Variants in CEP89 observed in about 807,000 individuals in gnomAD.
CEP89 encodes the protein centrosomal protein of 89 kDa.
CEP89 carries 95 observed loss-of-function variants against 97.6 expected under a neutral mutation model. The observed-to-expected ratio is 0.97, with a 90% CI of 0.82 to 1.15. The LOEUF is 1.15. Ranked by LOEUF, CEP89 falls within the 50% of genes most tolerant of loss-of-function variation. CEP89 has a pLI of 0.00. For missense variants in CEP89, 869 were observed against 947.7 expected (o/e 0.92, Z 1.09); for synonymous variants, 354 against 349.1 (o/e 1.01, Z -0.16).
chr19:32,876,298 C>T lies in CEP89; in HGVS notation c.*2864G>A, dbSNP rs1969179333. 1 of 152,244 alleles carries T rather than the reference C, an allele frequency of 6.6e-6. No individual in the cohort carries two copies. Among genetic ancestry groups the T allele is most frequent in the Admixed American group, 6.6e-5 (1 of 15,260 alleles). The allele number at this position is 152,244 out of a possible 1,614,324, so 9.4% of individuals were successfully genotyped here. On this transcript the variant is annotated 3_prime_UTR_variant, in exon 19 of 19. Coordinates refer to ENST00000305768, the MANE Select transcript of CEP89 (RefSeq NM_032816.5). ...GGCTGCTTTTAAATAATGGCAAAGC[C>T]AGCAAGGCTCACTCGCGTGCCTGGG...
At position 32,937,642 on chromosome 19, in the gene CEP89, G is replaced by C. The variant is rs1420932299; in HGVS notation, c.656C>G (p.Pro219Arg). 6.2e-7 allele frequency: 1 copy of C among 1,605,898 alleles called. No homozygotes were observed. The highest frequency in any genetic ancestry group is 1.7e-5 in the Admixed American group (1 of 59,716). ...DEKPPLCEKPPPSPDITGRAR... is the reference protein window; with the variant it reads ...DEKPPLCEKPRPSPDITGRAR... ...CAAAAGGCAAATACCTGGGGAGGGTGGAGGTTTCTCACATAATGGAGGTTT... is the reference window on the plus strand; with the variant it reads ...CAAAAGGCAAATACCTGGGGAGGGTCGAGGTTTCTCACATAATGGAGGTTT... The change falls in exon 7 of 19, where the codon CCA becomes CGA. Residue 219 changes from proline to arginine, a missense_variant. By Grantham distance (103) the Pro-to-Arg change is moderately radical (BLOSUM62 -2). Transcript: ENST00000305768.
intron 8 of CEP89, among the ~76,000 whole-genome samples, chr19:32,931,878 G>A (rs1970482003): frequency 2.0e-5 from 3 of 152,178 alleles, no homozygotes; most frequent in Admixed American, 1.3e-4. Context: ...ATAAGAATAT[G>A]TGCTTTGAAA....
chr19:32,880,008 G>C (rs1969248143), intron 18 of CEP89, among the ~76,000 whole-genome samples: 1 of 152,364 alleles, frequency 6.6e-6, no homozygotes, highest in East Asian at 1.9e-4. Context: ...GCCCTGAGGG[G>C]CCGAGGCATG....
intron 16 of CEP89, among the ~76,000 whole-genome samples, chr19:32,892,314 T>C (rs1036960782): frequency 8.0e-5 from 12 of 150,200 alleles, no homozygotes; most frequent in Admixed American, 1.3e-4. Context: ...TCCTTTTTTT[T>C]TCTTTTTGAG....
chr19:32,924,479 C>T (rs1970315593), intron 11 of CEP89, among the ~76,000 whole-genome samples: 1 of 152,212 alleles, frequency 6.6e-6, no homozygotes, highest in Non-Finnish European at 1.5e-5. Context: ...GAGCCTCCTC[C>T]ATCAGGGCTT....
chr19:32,879,727 G>T (rs1024209841), intron 18 of CEP89, among the ~76,000 whole-genome samples: 1 of 152,234 alleles, frequency 6.6e-6, no homozygotes, highest in African/African-American at 2.4e-5. Flanking sequence ...TGGGCGTGTC[G>T]AATAAGGAAC....
At chr19:32,950,750 T>C (rs774067991) in intron 4 of CEP89, among the ~76,000 whole-genome samples, 53 of 152,156 alleles carry the variant, frequency 3.5e-4, no homozygotes, top group Non-Finnish European at 6.9e-4. Context: ...AGCAGCACTA[T>C]TCCTAAGAGT....
chr19:32,947,795 C>T (rs1212771195), intron 5 of CEP89, among the ~76,000 whole-genome samples: 1 of 152,158 alleles, frequency 6.6e-6, no homozygotes, highest in Non-Finnish European at 1.5e-5. Context: ...AGGAGCGAGC[C>T]ACCACACCCA....
chr19:32,883,097 C>T (rs890101490), intron 17 of CEP89, among the ~76,000 whole-genome samples: 2 of 151,782 alleles, frequency 1.3e-5, no homozygotes, highest in African/African-American at 4.8e-5. Context: ...CTCCTGACCT[C>T]GCGATCCGCC....
At chr19:32,880,611 C>G (rs1293504336) in intron 18 of CEP89, among the ~76,000 whole-genome samples, 2 of 147,072 alleles carry the variant, frequency 1.4e-5, no homozygotes, top group Non-Finnish European at 3.0e-5. Flanking sequence ...TGTACTTTAG[C>G]CCAGGCAACA....
chr19:32,887,479 G>A (rs1240071894), intron 17 of CEP89, among the ~76,000 whole-genome samples: 1 of 152,042 alleles, frequency 6.6e-6, no homozygotes, highest in Non-Finnish European at 1.5e-5. Context: ...TGGGCCTCCT[G>A]AGTCACTGAG....
chr19:32,962,323 A>G (rs1971186360), intron 2 of CEP89, among the ~76,000 whole-genome samples: 1 of 152,168 alleles, frequency 6.6e-6, no homozygotes, highest in Non-Finnish European at 1.5e-5. Context: ...TTCTGCCATG[A>G]TTGTTGGTTT....
intron 2 of CEP89, among the ~76,000 whole-genome samples, chr19:32,962,581 T>C (rs984601492): frequency 2.6e-5 from 4 of 152,306 alleles, no homozygotes; most frequent in Admixed American, 2.0e-4. Flanking sequence ...CAATATGAGA[T>C]ACTGAAAGCA....
intron 3 of CEP89, among the ~76,000 whole-genome samples, chr19:32,954,917 G>A (rs975769782): frequency 1.3e-5 from 2 of 149,994 alleles, no homozygotes; most frequent in African/African-American, 2.4e-5. Flanking sequence ...TGCACACCTC[G>A]GCCTCCCAAA....
intron 7 of CEP89, chr19:32,937,406 T>G: frequency 2.0e-6 from 1 of 498,134 alleles, no homozygotes; most frequent in Non-Finnish European, 3.6e-6. Flanking sequence ...ATCCCACAGG[T>G]CCACGTCCCC....
chr19:32,945,578 G>A (rs1970780656), intron 5 of CEP89, among the ~76,000 whole-genome samples: 1 of 152,238 alleles, frequency 6.6e-6, no homozygotes, highest in Admixed American at 6.5e-5. Context: ...TTCCTCTGTA[G>A]AGGGTGCTGG....
At chr19:32,942,052 G>C (rs1568572073) in intron 5 of CEP89, among the ~76,000 whole-genome samples, 2 of 152,122 alleles carry the variant, frequency 1.3e-5, no homozygotes, top group Non-Finnish European at 2.9e-5. Context: ...AAATAAAATT[G>C]GGGGAGCAGG....
At chr19:32,892,836 C>A (rs576370671) in intron 16 of CEP89, among the ~76,000 whole-genome samples, 1 of 152,056 alleles carries the variant, frequency 6.6e-6, no homozygotes, top group South Asian at 2.1e-4. Flanking sequence ...GAATCCTACA[C>A]CTGGAATTGA....
chr19:32,928,985 T>C (rs1970416779), intron 9 of CEP89, among the ~76,000 whole-genome samples: 1 of 152,248 alleles, frequency 6.6e-6, no homozygotes, highest in Non-Finnish European at 1.5e-5. Context: ...TTACATATTC[T>C]GTCTGGTTTT....
Sources: gnomAD v4.1 joint callset for allele counts (sites outside exome capture counted in the v4.1 genomes callset) on GRCh38, gnomAD v4.1.1 for gene constraint, MANE v1.5 for transcripts, NCBI Gene and HGNC (gene_info 2026-07-23, HGNC 2026-07-21) for gene names.